C2orf49: variants seen among roughly 807,000 people sequenced by gnomAD.
The protein encoded by C2orf49 is tRNA-splicing ligase complex subunit ASW.
A neutral mutation model predicts 20.6 loss-of-function variants in C2orf49; 11 were observed. The ratio of observed to expected loss-of-function variants is 0.53; its 90% CI spans 0.34 to 0.88. C2orf49 has a LOEUF of 0.88. Ranked by LOEUF, C2orf49 falls within the 40% of genes least tolerant of loss-of-function variation. The pLI is 0.02. For synonymous variants in C2orf49, 134 were observed against 108.5 expected (o/e 1.24, Z -1.46); for missense variants, 289 against 274.2 (o/e 1.05, Z -0.38).
the C2orf49 span, among the ~76,000 whole-genome samples, chr2:105,362,599 C>T: frequency 1.3e-5 from 2 of 152,232 alleles, no homozygotes; most frequent in African/African-American, 4.8e-5. Context: ...TAAAACTTCT[C>T]CTGTGTTATT....
intron 1 of C2orf49, among the ~76,000 whole-genome samples, chr2:105,338,721 G>T (rs987641085): frequency 1.3e-5 from 2 of 152,300 alleles, no homozygotes; most frequent in South Asian, 2.1e-4. Flanking sequence ...ATACGAAAGA[G>T]AAGTAAAATG....
the C2orf49 span, among the ~76,000 whole-genome samples, chr2:105,382,008 G>A: frequency 6.6e-6 from 1 of 151,984 alleles, no homozygotes; most frequent in Non-Finnish European, 1.5e-5. Context: ...ATATACTAGG[G>A]GCATCTAGAT....
chr2:105,355,742 TAA>T, the C2orf49 span, among the ~76,000 whole-genome samples: 1 of 151,238 alleles, frequency 6.6e-6, no homozygotes, highest in Non-Finnish European at 1.5e-5. Context: ...AGAAAAGTTC[TAA>T]GTTATATAGC....
chr2:105,372,556 T>C, the C2orf49 span, among the ~76,000 whole-genome samples: 1 of 152,268 alleles, frequency 6.6e-6, no homozygotes, highest in South Asian at 2.1e-4. Flanking sequence ...ATTTCCCATA[T>C]GTCAGTCTCT....
At chr2:105,344,720 T>G (rs2679844) in intron 3 of C2orf49, among the ~76,000 whole-genome samples, 1 of 151,500 alleles carries the variant, frequency 6.6e-6, no homozygotes, top group Non-Finnish European at 1.5e-5. Flanking sequence ...GCTAGGATTA[T>G]AGGCGCCTGC....
downstream of C2orf49, among the ~76,000 whole-genome samples, chr2:105,354,158 G>A (rs796859279): frequency 2.0e-5 from 3 of 152,316 alleles, no homozygotes; most frequent in African/African-American, 7.2e-5. Flanking sequence ...TTTTTCCAGA[G>A]ATAAAGCTTT....
At chr2:105,375,249 TTTTG>T in the C2orf49 span, 1 of 152,136 alleles carries the variant, frequency 6.6e-6, no homozygotes, top group East Asian at 1.9e-4. Flanking sequence ...TCTTTGCGCA[TTTTG>T]TTTTAGTTCA....
chr2:105,340,505 T>G (rs1679638639), intron 2 of C2orf49, among the ~76,000 whole-genome samples: 1 of 152,212 alleles, frequency 6.6e-6, no homozygotes, highest in Non-Finnish European at 1.5e-5. Context: ...CATGCATGTA[T>G]TTTGAAGATA....
At chr2:105,374,941 G>A in the C2orf49 span, among the ~76,000 whole-genome samples, 1 of 152,202 alleles carries the variant, frequency 6.6e-6, no homozygotes, top group Non-Finnish European at 1.5e-5. Flanking sequence ...ACAGGGCACA[G>A]GAGGGCTGTT....
rs1397766101 is a variant in C2orf49, at chr2:105,337,679, T to C, written c.92T>C (p.Leu31Pro). Residue 31 changes from leucine (L) to proline (P), a missense_variant, in exon 1 of 4, where the codon CTG becomes CCG. Leu to Pro is a moderately conservative substitution (Grantham distance 98). Transcript: ENST00000258457. ...TCCCAGGAGTTCCTTCTCCTCACTC[T>C]GGAGCAGGTTGGGCGCGCCGGATCG... ...LLSQEFLLLT[L>P]EQKNIAVETD... 2 of 815,432 alleles carry C rather than the reference T, an allele frequency of 2.5e-6. No homozygotes were observed. The highest frequency in any genetic ancestry group is 3.1e-6 in the Non-Finnish European group (2 of 647,440). 50.5% of individuals were successfully genotyped at this position (815,432 alleles called of 1,614,324 possible). A position where few individuals can be genotyped will look rare whatever the true frequency, so the allele number is the denominator to read the frequency against.
chr2:105,375,112 ACAGTT>A, the C2orf49 span: 1 of 151,628 alleles, frequency 6.6e-6, no homozygotes, highest in Admixed American at 6.6e-5. Flanking sequence ...ACTAGAACAA[ACAGTT>A]CTCTTTTGCT....
In C2orf49 at chr2:105,337,695, C is replaced by T. The variant is rs1679537975; in HGVS notation, c.99+9C>T. 2 of 284,274 alleles carry T rather than the reference C, an allele frequency of 7.0e-6. No homozygotes were observed. The highest frequency in any genetic ancestry group is 8.3e-5 in the Admixed American group (1 of 12,016). 17.6% of individuals were successfully genotyped at this position (284,274 alleles called of 1,614,324 possible). On this transcript the variant is annotated intron_variant, in intron 1 of 3. Coordinates refer to ENST00000258457, the MANE Select transcript of C2orf49 (RefSeq NM_024093.3). ...TCCTCACTCTGGAGCAGGTTGGGCGCGCCGGATCGGAGGGTGGGCGGGTGG... is the reference window on the plus strand; with the variant it reads ...TCCTCACTCTGGAGCAGGTTGGGCGTGCCGGATCGGAGGGTGGGCGGGTGG...
At chr2:105,373,528 G>C in the C2orf49 span, 1 of 1,612,994 alleles carries the variant, frequency 6.2e-7, no homozygotes, top group Non-Finnish European at 8.5e-7. Flanking sequence ...AGCTAGACTG[G>C]CTCACGCATG....
At chr2:105,369,143 C>G in the C2orf49 span, among the ~76,000 whole-genome samples, 2 of 152,146 alleles carry the variant, frequency 1.3e-5, no homozygotes, top group Admixed American at 1.3e-4. Flanking sequence ...TCCCTGGGGA[C>G]TGTGGCATGA....
rs1573247786 is a variant in C2orf49, at chr2:105,345,504, T to A, written c.*133T>A. 7 of 703,358 alleles carry A rather than the reference T, an allele frequency of 1.0e-5. No homozygotes were observed. The highest frequency in any genetic ancestry group is 1.4e-5 in the Non-Finnish European group (6 of 424,152). 43.6% of individuals were successfully genotyped at this position (703,358 alleles called of 1,614,324 possible). ...GAGGTTTCAAATAGGTTTAAAAAAA[T>A]AAAGGATTTATTTTCCTTCCCTTCT... On this transcript the variant is annotated 3_prime_UTR_variant, in exon 4 of 4. Transcript: ENST00000258457.
chr2:105,339,821 C>A, intron 2 of C2orf49, 72 bp downstream of exon 2: 3 of 1,314,600 alleles, frequency 2.3e-6, no homozygotes, highest in Non-Finnish European at 3.0e-6. Context: ...TTGATTTTTC[C>A]TGAGATAAAC....
the C2orf49 span, chr2:105,361,421 TGTGCCACCAA>T: frequency 6.2e-7 from 1 of 1,614,060 alleles, no homozygotes; most frequent in Non-Finnish European, 8.5e-7. Context: ...AGATGTATTT[TGTGCCACCAA>T]GTCCTGTTAA....
the C2orf49 span, among the ~76,000 whole-genome samples, chr2:105,370,574 G>GT: frequency 6.6e-6 from 1 of 152,172 alleles, no homozygotes; most frequent in Admixed American, 6.5e-5. Flanking sequence ...ACTGACTTGT[G>GT]TGGGGGGTGT....
At chr2:105,350,113 C>G (rs1405012537), downstream of C2orf49, among the ~76,000 whole-genome samples, 1 of 152,236 alleles carries the variant, frequency 6.6e-6, no homozygotes, top group East Asian at 1.9e-4. Context: ...TAGCTGCCGG[C>G]TGACTAAAGT....
Sources: gnomAD v4.1 joint callset for allele counts (sites outside exome capture counted in the v4.1 genomes callset) on GRCh38, gnomAD v4.1.1 for gene constraint, MANE v1.5 for transcripts, NCBI Gene and HGNC (gene_info 2026-07-23, HGNC 2026-07-21) for gene names.